The following ARMC2 variants were observed in gnomAD, a reference collection of about 807,000 sequenced individuals.
ARMC2 encodes the protein armadillo repeat containing 2.
A neutral mutation model predicts 90.3 loss-of-function variants in ARMC2; 67 were observed. The ratio of observed to expected loss-of-function variants is 0.74; its 90% CI spans 0.61 to 0.91. The LOEUF (loss-of-function observed/expected upper bound fraction) is 0.91, where lower values mean the gene tolerates loss of function less well. Ranked by LOEUF, ARMC2 falls within the 40% of genes least tolerant of loss-of-function variation. The probability of loss-of-function intolerance (pLI) is 0.00; values close to 1 mark genes in which losing one functional copy is unlikely to be tolerated. For synonymous variants in ARMC2, 393 were observed against 393.0 expected (o/e 1.00, Z 0.00); for missense variants, 920 against 1,030.9 (o/e 0.89, Z 1.47).
intron 3 of ARMC2, among the ~76,000 whole-genome samples, chr6:108,861,172 G>C (rs1402585948): frequency 6.6e-6 from 1 of 152,184 alleles, no homozygotes; most frequent in Non-Finnish European, 1.5e-5. Flanking sequence ...TTCTACCTCT[G>C]CTACCAAAAG....
At chr6:109,007,718 AC>A in the ARMC2 span, among the ~76,000 whole-genome samples, 497 of 151,988 alleles carry the variant, frequency 3.3e-3, no homozygotes, top group African/African-American at 9.7e-3. Flanking sequence ...AGCAAAATGT[AC>A]TAACAATTAT....
the ARMC2 span, chr6:108,986,596 C>T: frequency 4.6e-5 from 7 of 152,700 alleles, no homozygotes; most frequent in Middle Eastern, 3.4e-3. Flanking sequence ...AATTTGATAA[C>T]CCGACTAAAA....
At chr6:109,046,234 CAGGCA>C in the ARMC2 span, among the ~76,000 whole-genome samples, 2 of 149,852 alleles carry the variant, frequency 1.3e-5, no homozygotes, top group Non-Finnish European at 3.0e-5. Context: ...CCTGCGATTG[CAGGCA>C]CGCGCCGCCA....
At chr6:108,868,117 G>A (rs1269305401) in intron 3 of ARMC2, among the ~76,000 whole-genome samples, 1 of 151,422 alleles carries the variant, frequency 6.6e-6, no homozygotes, top group Non-Finnish European at 1.5e-5. Context: ...ATAATTCTTG[G>A]TACATGTAGG....
At chr6:108,941,720 C>T (rs571399027) in intron 12 of ARMC2, among the ~76,000 whole-genome samples, 5 of 152,260 alleles carry the variant, frequency 3.3e-5, no homozygotes, top group Admixed American at 1.3e-4. Context: ...TTCAGTTGTG[C>T]TTGGAACAAA....
the ARMC2 span, among the ~76,000 whole-genome samples, chr6:108,982,779 T>C: frequency 2.6e-5 from 4 of 152,098 alleles, no homozygotes; most frequent in African/African-American, 7.2e-5. Flanking sequence ...TTATCATCTT[T>C]GGAGAAATGT....
Position 108,899,760 on chromosome 6 carries a change from G to A in ARMC2, c.815G>A (p.Arg272Lys). Reference protein sequence around the residue: ...IEVDEVFWNTRIVPILRELEK... With the variant: ...IEVDEVFWNTKIVPILRELEK... ...GTAGACGAAGTCTTTTGGAATACAA[G>A]GATTGTACCGATTTTGCGTGAATTA... Residue 272 changes from arginine to lysine, a missense_variant, in exon 7 of 18, where the codon AGG (arginine) becomes AAG (lysine). Physicochemically the swap from Arg to Lys is conservative, Grantham distance 26 (BLOSUM62 2). Transcript: ENST00000392644. 6.2e-7 allele frequency: 1 copy of A among 1,613,388 alleles called. No homozygotes were observed.
chr6:108,871,647 A>G (rs578045257), intron 4 of ARMC2, among the ~76,000 whole-genome samples: 42 of 152,192 alleles, frequency 2.8e-4, no homozygotes, highest in African/African-American at 9.6e-4. Context: ...GCTGAGGTAC[A>G]CACTGATGTG....
chr6:109,021,561 G>A, the ARMC2 span, among the ~76,000 whole-genome samples: 1 of 151,410 alleles, frequency 6.6e-6, no homozygotes, highest in African/African-American at 2.4e-5. Flanking sequence ...CCTCAGCCTC[G>A]CAATTAGCTG....
rs749952163 is a variant in ARMC2 at position 108,894,571 on chromosome 6, A to G, written c.748+28A>G. The stretch of plus-strand genomic sequence containing the variant: ...GAGGGGTCCCCACACTCCTTCATCT[A>G]CAGCATCTCCACTTGAAGGAAAGAT... On this transcript the variant is annotated intron_variant, in intron 6 of 17. Coordinates refer to ENST00000392644, the MANE Select transcript of ARMC2 (RefSeq NM_032131.6). 3.9e-6 allele frequency: 6 copies of G among 1,558,162 alleles called. No individual in the cohort carries two copies. In the South Asian group the frequency reaches 7.1e-5, roughly 18 times the overall value.
At chr6:108,898,936 T>C (rs746776012) in intron 6 of ARMC2, among the ~76,000 whole-genome samples, 4 of 152,198 alleles carry the variant, frequency 2.6e-5, no homozygotes, top group Non-Finnish European at 5.9e-5. Flanking sequence ...ACTGCAGGGG[T>C]GATAACATGT....
chr6:108,970,001 A>G (rs1778648952), intron 17 of ARMC2, among the ~76,000 whole-genome samples: 1 of 152,176 alleles, frequency 6.6e-6, no homozygotes, highest in South Asian at 2.1e-4. Context: ...GCACCACTGC[A>G]TTCCAGCCTG....
chr6:108,876,184 G>A lies in ARMC2; in HGVS notation c.505G>A (p.Asp169Asn), dbSNP rs113767376. The A allele has an allele frequency of 6.2e-6, 10 of 1,612,244 alleles. No individual in the cohort carries two copies. The African/African-American group carries it at 8.0e-5, about 13-fold the overall frequency. ...ATCCAAAGAAACAGTTATGATGGGG[G>A]ACTCTATGGTGAAAATAAATGGGAT... ...VESKETVMMG[D>N]SMVKINGIYL... The change falls in exon 5 of 18, where the codon GAC becomes AAC. Residue 169 changes from aspartate (D) to asparagine (N), a missense_variant. Coordinates refer to ENST00000392644, the MANE Select transcript of ARMC2 (RefSeq NM_032131.6).
At chr6:108,899,853 G>A (rs918463679) in intron 7 of ARMC2, 61 bp downstream of exon 7, 13 of 1,260,038 alleles carry the variant, frequency 1.0e-5, no homozygotes, top group Non-Finnish European at 1.5e-5. Flanking sequence ...AATACCTGTA[G>A]TTATTTATGT....
chr6:108,927,952 T>C (rs1775235524), intron 10 of ARMC2, 136 bp from the exon 11 acceptor site: 2 of 830,212 alleles, frequency 2.4e-6, no homozygotes. Flanking sequence ...TCACATTCCC[T>C]GGTGGGAGAT....
At chr6:108,929,284 A>G (rs1169529944) in intron 11 of ARMC2, among the ~76,000 whole-genome samples, 1 of 152,106 alleles carries the variant, frequency 6.6e-6, no homozygotes, top group South Asian at 2.1e-4. Context: ...TATTTTTCCC[A>G]TGTGGATAGT....
intron 5 of ARMC2, among the ~76,000 whole-genome samples, chr6:108,887,030 C>T (rs149556908): frequency 0.011 from 1,736 of 151,898 alleles, 6 homozygotes; most frequent in South Asian, 0.031. Context: ...GCCTCAACCT[C>T]CCGAGTAGCT....
chr6:108,858,656 A>G (rs936501986), intron 3 of ARMC2, among the ~76,000 whole-genome samples: 6 of 150,700 alleles, frequency 4.0e-5, no homozygotes, highest in Admixed American at 4.0e-4. Flanking sequence ...AATCATATAT[A>G]TTTATATGTA....
chr6:108,977,813 T>A (rs1002393614), downstream of ARMC2, among the ~76,000 whole-genome samples: 1 of 152,170 alleles, frequency 6.6e-6, no homozygotes, highest in Non-Finnish European at 1.5e-5. Context: ...TCTGTGATGG[T>A]AGTTTGTATT....
Sources: allele counts gnomAD v4.1 joint callset (sites outside exome capture counted in the v4.1 genomes callset), GRCh38; gene constraint gnomAD v4.1.1; transcripts MANE v1.5; gene names NCBI Gene and HGNC (gene_info 2026-07-23, HGNC 2026-07-21).